The following CTTNBP2 variants were observed in gnomAD, a reference collection of about 807,000 sequenced individuals.
CTTNBP2 encodes the protein cortactin-binding protein 2.
A neutral mutation model predicts 156.9 loss-of-function variants in CTTNBP2; 108 were observed. That is an observed-to-expected ratio of 0.69 (90% confidence interval 0.59 to 0.81). The LOEUF (loss-of-function observed/expected upper bound fraction) is 0.81, where lower values mean the gene tolerates loss of function less well. CTTNBP2 is among the 30% of genes least tolerant of loss of function. CTTNBP2 has a pLI of 0.00. For missense variants in CTTNBP2, 1,924 were observed against 2,035.4 expected (o/e 0.95, Z 1.05); for synonymous variants, 767 against 751.8 (o/e 1.02, Z -0.33).
At chr7:117,745,568 T>C (rs2116557597) in intron 14 of CTTNBP2, among the ~76,000 whole-genome samples, 1 of 152,268 alleles carries the variant, frequency 6.6e-6, no homozygotes, top group South Asian at 2.1e-4. Flanking sequence ...ACCTCCTCCC[T>C]TGGTATACCA....
At chr7:117,779,917 C>T (rs1387715345) in intron 7 of CTTNBP2, among the ~76,000 whole-genome samples, 1 of 152,100 alleles carries the variant, frequency 6.6e-6, no homozygotes, top group Non-Finnish European at 1.5e-5. Flanking sequence ...TGCACCACCA[C>T]GCTGGGTTAA....
At chr7:117,817,154 G>A (rs925209175) in intron 2 of CTTNBP2, among the ~76,000 whole-genome samples, 5 of 150,484 alleles carry the variant, frequency 3.3e-5, no homozygotes, top group Non-Finnish European at 5.9e-5. Context: ...TGGCTAACAT[G>A]GTGAAACCCC....
intron 8 of CTTNBP2, among the ~76,000 whole-genome samples, chr7:117,777,160 G>A (rs1798148669): frequency 6.6e-6 from 1 of 152,126 alleles, no homozygotes; most frequent in Admixed American, 6.5e-5. Context: ...TGTGAATCCT[G>A]ACCCTGCCTC....
intron 12 of CTTNBP2, among the ~76,000 whole-genome samples, chr7:117,752,090 C>G (rs1275287573): frequency 6.6e-6 from 1 of 152,164 alleles, no homozygotes. Flanking sequence ...GTCTTAGACA[C>G]ATAACTATCA....
At chr7:117,772,673 C>T (rs775557750) in intron 8 of CTTNBP2, among the ~76,000 whole-genome samples, 1 of 152,154 alleles carries the variant, frequency 6.6e-6, no homozygotes, top group African/African-American at 2.4e-5. Flanking sequence ...AAGGAAAGCA[C>T]CTGCCTAGAC....
Position 117,711,830 on chromosome 7 carries a change from T to G in CTTNBP2, c.4747-48A>C. 4 of 1,566,050 alleles carry G rather than the reference T, an allele frequency of 2.6e-6. No homozygotes were observed. The South Asian group carries it at 4.8e-5, about 19-fold the overall frequency. On this transcript the variant is annotated intron_variant, in intron 22 of 22. Coordinates refer to ENST00000160373, the MANE Select transcript of CTTNBP2 (RefSeq NM_033427.3). ...CAAGTTTATCACAAACTTCTCCTGTTATGAGCCCTACCCCTGCCTCCTCTT... is the reference window on the plus strand; with the variant it reads ...CAAGTTTATCACAAACTTCTCCTGTGATGAGCCCTACCCCTGCCTCCTCTT...
intron 10 of CTTNBP2, among the ~76,000 whole-genome samples, chr7:117,759,439 A>G (rs1284985081): frequency 1.3e-5 from 2 of 152,186 alleles, no homozygotes; most frequent in African/African-American, 2.4e-5. Flanking sequence ...TGATCATGCC[A>G]AAGATCCATA....
At position 117,791,193 on chromosome 7, in the gene CTTNBP2, A is replaced by ATGG. The variant is rs1450285736; in HGVS notation, c.2000_2002dup (p.Ser667_Ile668insThr). ...ACAGGATGAGGCACTAACGGGGTTT[A>ATGG]TGGAAGAGCAAAAGGCAATGGTGGT... is the stretch of plus-strand genomic sequence containing the variant. On this transcript the variant is annotated inframe_insertion, in exon 4 of 23. Transcript: ENST00000160373. 1.2e-6 allele frequency: 2 copies of ATGG among 1,614,208 alleles called. No individual in the cohort carries two copies. Among genetic ancestry groups the ATGG allele is most frequent in the Non-Finnish European group, 1.7e-6 (2 of 1,180,038 alleles).
At chr7:117,756,528 G>A in intron 12 of CTTNBP2, 27 bp downstream of exon 12, 1 of 1,566,646 alleles carries the variant, frequency 6.4e-7, no homozygotes, top group Non-Finnish European at 8.8e-7. Context: ...GGAAAACACA[G>A]GTCTCCACCC....
intron 16 of CTTNBP2, among the ~76,000 whole-genome samples, chr7:117,734,210 G>A (rs1163077413): frequency 6.6e-6 from 1 of 152,196 alleles, no homozygotes; most frequent in Non-Finnish European, 1.5e-5. Context: ...CTAGCAGTTG[G>A]GGTGTTATTA....
In CTTNBP2 at chr7:117,780,510, A is replaced by G. The variant is rs769851816; in HGVS notation, c.2454T>C (p.Cys818=). 3.1e-6 allele frequency: 5 copies of G among 1,601,250 alleles called. No homozygotes were observed. The South Asian group carries it at 5.6e-5, about 18-fold the overall frequency. The part of the protein sequence containing the change: ...DGGQTPLYLA[C]KNGNKECIKL... ...TAATACATTCTTTATTTCCATTTTT[A>G]CAGGCCAGGTATAGAGGTGTCTGTC... Residue 818 remains cysteine (C), a synonymous_variant, in exon 7 of 23, where the codon TGT becomes TGC. Transcript: ENST00000160373.
chr7:117,842,636 C>G (rs891818131), intron 2 of CTTNBP2, among the ~76,000 whole-genome samples: 6 of 152,296 alleles, frequency 3.9e-5, no homozygotes, highest in South Asian at 4.1e-4. Context: ...GTCCTCCTCA[C>G]TGGCTCCAGT....
chr7:117,727,739 C>T (rs531064238), intron 17 of CTTNBP2, among the ~76,000 whole-genome samples: 2 of 152,284 alleles, frequency 1.3e-5, no homozygotes, highest in South Asian at 4.1e-4. Context: ...AAAGGGAAAG[C>T]TTTTCAATTC....
intron 10 of CTTNBP2, among the ~76,000 whole-genome samples, chr7:117,758,306 G>A (rs1484880063): frequency 6.6e-6 from 1 of 151,976 alleles, no homozygotes; most frequent in African/African-American, 2.4e-5. Context: ...ACTGTTTCAG[G>A]GTTCTTCCAA....
chr7:117,792,035 G>A lies in CTTNBP2; in HGVS notation c.1161C>T (p.Ser387=). The change falls in exon 4 of 23, where the codon AGC becomes AGT. Residue 387 remains serine (S), a synonymous_variant. Coordinates refer to ENST00000160373, the MANE Select transcript of CTTNBP2 (RefSeq NM_033427.3). This position sits in a 1 kb window ranked among gnomAD's most constrained non-coding sequence, Gnocchi z 4.2. ...TGGTTGGATCTGGTGTTGAGCCAGTGCTTGGTCCATTTTCCTCAATTTTGT... is the reference window on the plus strand; with the variant it reads ...TGGTTGGATCTGGTGTTGAGCCAGTACTTGGTCCATTTTCCTCAATTTTGT... The part of the protein sequence containing the change: ...SANKIEENGP[S]TGSTPDPTSS... 1 of 1,614,114 alleles carries A rather than the reference G, an allele frequency of 6.2e-7. No homozygotes were observed. The highest frequency in any genetic ancestry group is 1.3e-5 in the African/African-American group (1 of 75,024).
chr7:117,787,969 T>A (rs1479899134), intron 4 of CTTNBP2, among the ~76,000 whole-genome samples: 1 of 152,064 alleles, frequency 6.6e-6, no homozygotes, highest in Non-Finnish European at 1.5e-5. Context: ...GGAATATTAT[T>A]ATATAATTTT....
At chr7:117,855,265 A>G (rs1803219761) in intron 2 of CTTNBP2, among the ~76,000 whole-genome samples, 2 of 151,564 alleles carry the variant, frequency 1.3e-5, no homozygotes, top group South Asian at 4.2e-4. Flanking sequence ...TTTGCCTGCC[A>G]CCATGCCTGG....
intron 2 of CTTNBP2, among the ~76,000 whole-genome samples, chr7:117,834,203 T>A (rs1203220917): frequency 6.6e-6 from 1 of 152,068 alleles, no homozygotes; most frequent in Non-Finnish European, 1.5e-5. Flanking sequence ...TACAGGCACC[T>A]GCTACCACAC....
chr7:117,842,833 A>G (rs944457626), intron 2 of CTTNBP2, among the ~76,000 whole-genome samples: 1 of 152,250 alleles, frequency 6.6e-6, no homozygotes, highest in Non-Finnish European at 1.5e-5. Context: ...TTTGGAGTCA[A>G]TCTAAATACT....
Sources: allele counts gnomAD v4.1 joint callset (sites outside exome capture counted in the v4.1 genomes callset), GRCh38; gene constraint gnomAD v4.1.1; non-coding constraint Gnocchi (gnomAD v3.1); transcripts MANE v1.5; gene names NCBI Gene and HGNC (gene_info 2026-07-23, HGNC 2026-07-21).